The following DNM3 variants were observed in gnomAD, a reference collection of about 807,000 sequenced individuals.
DNM3 encodes the protein dynamin 3.
In DNM3, 47 loss-of-function variants were observed where a neutral mutation model predicts 101.6. That is an observed-to-expected ratio of 0.46 (90% CI 0.37 to 0.59). The LOEUF (loss-of-function observed/expected upper bound fraction) is 0.59, where lower values mean the gene tolerates loss of function less well. DNM3 is among the 20% of genes least tolerant of loss of function. The pLI, the probability that DNM3 is intolerant of heterozygous loss-of-function variation, is 0.00. For synonymous variants in DNM3, 385 were observed against 387.9 expected (o/e 0.99, Z 0.09); for missense variants, 849 against 1,085.7 (o/e 0.78, Z 3.06).
intron 1 of DNM3, among the ~76,000 whole-genome samples, chr1:171,886,435 G>A (rs2036776857): frequency 6.6e-6 from 1 of 152,154 alleles, no homozygotes; most frequent in Non-Finnish European, 1.5e-5. Flanking sequence ...GAGAGGGAAA[G>A]TTTGAGGCAA....
intron 20 of DNM3, among the ~76,000 whole-genome samples, chr1:172,404,385 C>T (rs2070731588): frequency 6.6e-6 from 1 of 152,042 alleles, no homozygotes; most frequent in South Asian, 2.1e-4. Flanking sequence ...ACAGGCCATG[C>T]TAAGTTATGG....
At chr1:172,205,087 A>T (rs562622240) in intron 14 of DNM3, among the ~76,000 whole-genome samples, 4 of 152,290 alleles carry the variant, frequency 2.6e-5, no homozygotes, top group African/African-American at 9.6e-5. Context: ...ATAAACGTGC[A>T]TGTGTTTTGG....
chr1:171,848,832 G>A (rs1479599726), intron 1 of DNM3, among the ~76,000 whole-genome samples: 4 of 152,174 alleles, frequency 2.6e-5, no homozygotes, highest in Non-Finnish European at 4.4e-5. Flanking sequence ...CAAAAACAGA[G>A]CAGTTGTTGA....
chr1:172,044,597 G>A (rs971128820), intron 9 of DNM3, 145 bp downstream of exon 9: 2 of 688,486 alleles, frequency 2.9e-6, no homozygotes, highest in South Asian at 2.3e-5. Flanking sequence ...CCTACTTTGG[G>A]GTTTAATGGT....
At chr1:172,064,087 C>T (rs895083842) in intron 10 of DNM3, among the ~76,000 whole-genome samples, 1 of 151,990 alleles carries the variant, frequency 6.6e-6, no homozygotes, top group Non-Finnish European at 1.5e-5. Flanking sequence ...AGCAGTTGCA[C>T]CATGAATGAC....
At chr1:171,905,325 T>A (rs1422398194) in intron 1 of DNM3, among the ~76,000 whole-genome samples, 1 of 152,232 alleles carries the variant, frequency 6.6e-6, no homozygotes, top group Non-Finnish European at 1.5e-5. Flanking sequence ...TCAGTCTTCC[T>A]TTCTGAGTAT....
intron 8 of DNM3, among the ~76,000 whole-genome samples, chr1:172,043,393 T>C (rs1343098226): frequency 6.6e-6 from 1 of 152,170 alleles, no homozygotes; most frequent in East Asian, 1.9e-4. Context: ...TTAGGGACCA[T>C]GCTACTTGTC....
chr1:171,862,459 A>T (rs773461928), intron 1 of DNM3, among the ~76,000 whole-genome samples: 12 of 152,180 alleles, frequency 7.9e-5, no homozygotes, highest in Non-Finnish European at 1.6e-4. Context: ...GATAAATCTT[A>T]AAAACATTAC....
intron 7 of DNM3, among the ~76,000 whole-genome samples, chr1:172,038,826 T>C (rs1026996873): frequency 6.6e-5 from 10 of 152,196 alleles, no homozygotes; most frequent in African/African-American, 2.4e-4. Context: ...TGGATGTCAA[T>C]TGTACTTATT....
chr1:172,076,781 T>C (rs533101383), intron 11 of DNM3, among the ~76,000 whole-genome samples: 1 of 152,180 alleles, frequency 6.6e-6, no homozygotes, highest in Non-Finnish European at 1.5e-5. Flanking sequence ...ATTTTCTTTT[T>C]TGTGTGTGTC....
intron 1 of DNM3, among the ~76,000 whole-genome samples, chr1:171,916,196 T>C (rs2039696496): frequency 6.6e-6 from 1 of 152,182 alleles, no homozygotes; most frequent in Non-Finnish European, 1.5e-5. Flanking sequence ...TAGATTTGAG[T>C]CCCATATGTC....
chr1:172,027,646 G>T (rs1041389360), intron 4 of DNM3, among the ~76,000 whole-genome samples: 6 of 150,298 alleles, frequency 4.0e-5, no homozygotes, highest in Non-Finnish European at 5.9e-5. Flanking sequence ...TACAGAGTCA[G>T]GACCCATCCA....
In DNM3 at chr1:172,081,813, G is replaced by T; in HGVS notation, c.1423-19G>T. The T allele has an allele frequency of 6.2e-7, 1 of 1,601,524 alleles. No homozygotes were observed. Among genetic ancestry groups the T allele is most frequent in the South Asian group, 1.1e-5 (1 of 88,494 alleles). ...TTTTTAGATGGGTTTTCACTGAAGT[G>T]TTTCTCTTTGACTTATAGGTATTGC... On this transcript the variant is annotated intron_variant, in intron 11 of 20. Transcript: ENST00000627582.
intron 1 of DNM3, among the ~76,000 whole-genome samples, chr1:171,870,697 G>A (rs2035189895): frequency 6.6e-6 from 1 of 151,846 alleles, no homozygotes; most frequent in African/African-American, 2.4e-5. Flanking sequence ...ATTCTTCTGA[G>A]GAAAGATATG....
chr1:172,020,579 C>T (rs958010013), intron 4 of DNM3, among the ~76,000 whole-genome samples: 1 of 151,716 alleles, frequency 6.6e-6, no homozygotes, highest in Non-Finnish European at 1.5e-5. Flanking sequence ...AAAAATTAGC[C>T]GGGCATGGTG....
intron 2 of DNM3, among the ~76,000 whole-genome samples, chr1:171,962,190 G>A (rs2043259973): frequency 6.6e-6 from 1 of 152,338 alleles, no homozygotes; most frequent in South Asian, 2.1e-4. Flanking sequence ...TGAAGACAGA[G>A]CTTTCAAGAT....
chr1:172,208,300 C>T (rs923158870), intron 14 of DNM3, among the ~76,000 whole-genome samples: 2 of 152,078 alleles, frequency 1.3e-5, no homozygotes, highest in South Asian at 4.1e-4. Flanking sequence ...TCATGTTTTG[C>T]TGATGTGATG....
intron 14 of DNM3, among the ~76,000 whole-genome samples, chr1:172,175,939 A>G (rs1189574908): frequency 6.6e-6 from 1 of 151,724 alleles, no homozygotes; most frequent in African/African-American, 2.4e-5. Flanking sequence ...CATTCTTTAT[A>G]ATCCCCTCTC....
At chr1:172,038,968 A>C (rs2049164679) in intron 7 of DNM3, among the ~76,000 whole-genome samples, 1 of 151,844 alleles carries the variant, frequency 6.6e-6, no homozygotes, top group Admixed American at 6.6e-5. Flanking sequence ...AATGATTTTA[A>C]TGTAGTCCTT....
Sources: gnomAD v4.1 joint callset for allele counts (sites outside exome capture counted in the v4.1 genomes callset) on GRCh38, gnomAD v4.1.1 for gene constraint, MANE v1.5 for transcripts, NCBI Gene and HGNC (gene_info 2026-07-23, HGNC 2026-07-21) for gene names.